DEFA4: variants seen among roughly 807,000 people sequenced by gnomAD.
The protein encoded by DEFA4 is corticostatin.
A neutral mutation model predicts 4.4 loss-of-function variants in DEFA4; 8 were observed. The observed-to-expected ratio is 1.82, with a 90% confidence interval of 1.07 to 3.29. The LOEUF (loss-of-function observed/expected upper bound fraction) is 3.29. Among genes scored for constraint, DEFA4 ranks in the 30% most tolerant of loss-of-function variants. The pLI, the probability that DEFA4 is intolerant of heterozygous loss-of-function variation, is 0.00. For synonymous variants in DEFA4, 77 were observed against 46.5 expected (o/e 1.66, Z -2.67); for missense variants, 216 against 127.0 (o/e 1.70, Z -3.37).
chr8:6,937,039 G>T, intron 1 of DEFA4, 128 bp from the exon 2 acceptor site: 2 of 763,010 alleles, frequency 2.6e-6, no homozygotes, highest in South Asian at 2.8e-5. Flanking sequence ...TGTGCATTTT[G>T]TTAGAGAGGA....
rs898125922 is a variant in DEFA4 at position 6,936,855 on chromosome 8, G to C, written c.45C>G (p.Leu15=). Residue 15 remains leucine, a synonymous_variant, in exon 2 of 3, where the codon CTC becomes CTG. Transcript: ENST00000297435. The part of the protein sequence containing the change: ...ALLAAILLVA[L]QVRAGPLQAR... ...CCTGGAGTGGGCCTGCCCGGACCTG[G>C]AGGGCTACCAAGAGAATAGCAGCGA... 2.5e-6 allele frequency: 4 copies of C among 1,612,676 alleles called. No individual in the cohort carries two copies. The highest frequency in any genetic ancestry group is 3.4e-6 in the Non-Finnish European group (4 of 1,179,408).
rs764863650 is a variant in DEFA4, at chr8:6,936,808, C to T, written c.92G>A (p.Gly31Asp). 6.2e-7 allele frequency: 1 copy of T among 1,613,760 alleles called. No individual in the cohort carries two copies. The highest frequency in any genetic ancestry group is 1.7e-5 in the Admixed American group (1 of 59,998). ...GTCTTCTGGCCCACGCTGCTCCTGG[C>T]CTGGAGCCTCATCACCTCTTGCCTG... ...PLQARGDEAP[G>D]QEQRGPEDQD... Residue 31 changes from glycine (G) to aspartate (D), a missense_variant, in exon 2 of 3, where the codon GGC becomes GAC. Physicochemically the swap from Gly to Asp is moderately conservative, Grantham distance 94 (BLOSUM62 -1). Transcript: ENST00000297435.
chr8:6,936,807 G>A lies in DEFA4; in HGVS notation c.93C>T (p.Gly31=). ...PLQARGDEAP[G]QEQRGPEDQD... ...GGTCTTCTGGCCCACGCTGCTCCTG[G>A]CCTGGAGCCTCATCACCTCTTGCCT... is the stretch of plus-strand genomic sequence containing the variant. Residue 31 remains glycine, a synonymous_variant, in exon 2 of 3, where the codon GGC becomes GGT. Transcript: ENST00000297435. 1 of 1,613,704 alleles carries A rather than the reference G, an allele frequency of 6.2e-7. No individual in the cohort carries two copies. The highest frequency in any genetic ancestry group is 8.5e-7 in the Non-Finnish European group (1 of 1,179,850).
intron 2 of DEFA4, 150 bp from the exon 3 acceptor site, chr8:6,936,291 T>C: frequency 1.0e-6 from 1 of 963,318 alleles, no homozygotes; most frequent in Non-Finnish European, 1.5e-6. Flanking sequence ...TAGGAATAAA[T>C]ACACAGAGCA....
chr8:6,936,030 C>A lies in DEFA4; in HGVS notation c.284G>T (p.Arg95Leu), dbSNP rs754867893. 1 of 1,613,754 alleles carries A rather than the reference C, an allele frequency of 6.2e-7. No homozygotes were observed. Among genetic ancestry groups the A allele is most frequent in the Non-Finnish European group, 8.5e-7 (1 of 1,179,910 alleles). Residue 95 changes from arginine (R) to leucine (L), a missense_variant, in exon 3 of 3, where the codon CGT becomes CTT. Coordinates refer to ENST00000297435, the MANE Select transcript of DEFA4 (RefSeq NM_001925.3). ...GGVSFTYCCT[R>L]VD ...TTGGACAGCAGAACGTTAATCGACACGCGTGCAGCAGTATGTGAAACTCAC... is the reference window on the plus strand; with the variant it reads ...TTGGACAGCAGAACGTTAATCGACAAGCGTGCAGCAGTATGTGAAACTCAC...
In DEFA4 at chr8:6,936,159, G is replaced by C. The variant is rs1203947974; in HGVS notation, c.173-18C>G. On this transcript the variant is annotated intron_variant, in intron 2 of 2. Transcript: ENST00000297435. ...TGTTGAGCCTGGGAACACAGAGGAA[G>C]CATGAGAAATTAAGCACCAAGGTCA... The C allele has an allele frequency of 3.1e-6, 5 of 1,612,852 alleles. No individual in the cohort carries two copies. In the Admixed American group the frequency reaches 6.7e-5, roughly 21 times the overall value.
In DEFA4 at chr8:6,936,848, G is replaced by T. The variant is rs770913371; in HGVS notation, c.52C>A (p.Arg18=). 50 of 1,612,534 alleles carry T rather than the reference G, an allele frequency of 3.1e-5. No individual in the cohort carries two copies. The East Asian group carries it at 1.1e-3, about 35-fold the overall frequency. Residue 18 remains arginine, a synonymous_variant, in exon 2 of 3, where the codon CGG becomes AGG. Transcript: ENST00000297435. The part of the protein sequence containing the change: ...AAILLVALQV[R]AGPLQARGDE... ...CCTCTTGCCTGGAGTGGGCCTGCCC[G>T]GACCTGGAGGGCTACCAAGAGAATA... is the stretch of plus-strand genomic sequence containing the variant.
chr8:6,936,082 G>A lies in DEFA4; in HGVS notation c.232C>T (p.Arg78Cys), dbSNP rs770482785. The A allele has an allele frequency of 7.4e-6, 12 of 1,613,918 alleles. No individual in the cohort carries two copies. The African/African-American group carries it at 9.3e-5, about 13-fold the overall frequency. Residue 78 changes from arginine (R) to cysteine (C), a missense_variant, in exon 3 of 3, where the codon CGT (arginine) becomes TGT (cysteine). By Grantham distance (180) the Arg-to-Cys change is radical. Coordinates refer to ENST00000297435, the MANE Select transcript of DEFA4 (RefSeq NM_001925.3). ...CCACCAATGAGGCAGTTCCCAACACGAAGTTCTGTTCGCCGGCAGAATACT... is the reference window on the plus strand; with the variant it reads ...CCACCAATGAGGCAGTTCCCAACACAAAGTTCTGTTCGCCGGCAGAATACT... ...RLVFCRRTEL[R>C]VGNCLIGGVS...
At chr8:6,937,008 G>A (rs996514635) in intron 1 of DEFA4, 97 bp from the exon 2 acceptor site, 11 of 1,134,672 alleles carry the variant, frequency 9.7e-6, no homozygotes, top group Non-Finnish European at 1.2e-5. Flanking sequence ...AGAAACCTTT[G>A]GCCTTCTGAG....
At chr8:6,937,043 G>C (rs1009549264) in intron 1 of DEFA4, 132 bp from the exon 2 acceptor site, 7 of 731,108 alleles carry the variant, frequency 9.6e-6, no homozygotes, top group Admixed American at 3.6e-5. Context: ...CATTTTGTTA[G>C]AGAGGATGCC....
At position 6,936,734 on chromosome 8, in the gene DEFA4, C is replaced by A; in HGVS notation, c.166G>T (p.Val56Phe). Residue 56 changes from valine (V) to phenylalanine (F), a missense_variant, in exon 2 of 3, where the codon GTT becomes TTT. Transcript: ENST00000297435. ...TTATGCTGGCCTCTCTCACCTGAAA[C>A]CTGAAGAGCAGAGCTTTTATCCCAT... ...FAWDKSSALQVSGSTRGMVCS... is the reference protein window; with the variant it reads ...FAWDKSSALQFSGSTRGMVCS... 1 of 1,597,232 alleles carries A rather than the reference C, an allele frequency of 6.3e-7. No individual in the cohort carries two copies.
Position 6,935,840 on chromosome 8 carries a change from A to G in DEFA4, c.*180T>C, listed in dbSNP as rs1436940461. 3 of 751,334 alleles carry G rather than the reference A, an allele frequency of 4.0e-6. No individual in the cohort carries two copies. The highest frequency in any genetic ancestry group is 1.8e-5 in the South Asian group (1 of 55,048). The allele number at this position is 751,334 out of a possible 1,614,324, so 46.5% of individuals were successfully genotyped here. ...AAAGACATCTTGTTACGAGATATAT[A>G]TTTAGGATCAAGAAAGATGTTAAGG... On this transcript the variant is annotated 3_prime_UTR_variant, in exon 3 of 3. Transcript: ENST00000297435.
chr8:6,936,635 C>G (rs1808863057), intron 2 of DEFA4, 93 bp downstream of exon 2: 2 of 1,340,326 alleles, frequency 1.5e-6, no homozygotes, highest in South Asian at 1.9e-5. Context: ...GTAAAGCCAC[C>G]TAAGTGACAT....
Position 6,936,927 on chromosome 8 carries a change from C to G in DEFA4, c.-12-16G>C. The stretch of plus-strand genomic sequence containing the variant: ...CTGGGGTGACCTGGAGGAGGGAGAG[C>G]AGGAGCAGCTGTGTGGGGAGGGAGA... On this transcript the variant is annotated splice_polypyrimidine_tract_variant and intron_variant, in intron 1 of 2. Coordinates refer to ENST00000297435, the MANE Select transcript of DEFA4 (RefSeq NM_001925.3). The G allele has an allele frequency of 3.2e-6, 5 of 1,546,490 alleles. No individual in the cohort carries two copies. The South Asian group carries it at 4.9e-5, about 15-fold the overall frequency.
At position 6,935,859 on chromosome 8, in the gene DEFA4, G is replaced by A. The variant is rs948523273; in HGVS notation, c.*161C>T. On this transcript the variant is annotated 3_prime_UTR_variant, in exon 3 of 3. Coordinates refer to ENST00000297435, the MANE Select transcript of DEFA4 (RefSeq NM_001925.3). ...ATATATATTTAGGATCAAGAAAGAT[G>A]TTAAGGACAAAGTATAGGAGAAACA... 3.3e-6 allele frequency: 3 copies of A among 910,688 alleles called. No homozygotes were observed. Among genetic ancestry groups the A allele is most frequent in the Non-Finnish European group, 5.2e-6 (3 of 582,484 alleles). 56.4% of individuals were successfully genotyped at this position (910,688 alleles called of 1,614,324 possible).
chr8:6,936,041 G>A lies in DEFA4; in HGVS notation c.273C>T (p.Tyr91=). The change falls in exon 3 of 3, where the codon TAC becomes TAT. Residue 91 remains tyrosine (Y), a synonymous_variant. Coordinates refer to ENST00000297435, the MANE Select transcript of DEFA4 (RefSeq NM_001925.3). ...NCLIGGVSFT[Y]CCTRVD ...AACGTTAATCGACACGCGTGCAGCA[G>A]TATGTGAAACTCACACCACCAATGA... 1 of 1,613,868 alleles carries A rather than the reference G, an allele frequency of 6.2e-7. No individual in the cohort carries two copies. The highest frequency in any genetic ancestry group is 1.1e-5 in the South Asian group (1 of 90,992).
intron 1 of DEFA4, among the ~76,000 whole-genome samples, chr8:6,937,934 G>C (rs981820914): frequency 4.6e-5 from 7 of 152,156 alleles, no homozygotes; most frequent in African/African-American, 1.7e-4. Context: ...AACAGACCTA[G>C]GACCTGCAGA....
Position 6,935,835 on chromosome 8 carries a change from T to G in DEFA4, c.*185A>C. ...TAAACAAAGACATCTTGTTACGAGATATATATTTAGGATCAAGAAAGATGT... is the reference window on the plus strand; with the variant it reads ...TAAACAAAGACATCTTGTTACGAGAGATATATTTAGGATCAAGAAAGATGT... On this transcript the variant is annotated 3_prime_UTR_variant, in exon 3 of 3. Coordinates refer to ENST00000297435, the MANE Select transcript of DEFA4 (RefSeq NM_001925.3). 2.8e-6 allele frequency: 2 copies of G among 715,770 alleles called. No homozygotes were observed. The highest frequency in any genetic ancestry group is 4.6e-6 in the Non-Finnish European group (2 of 430,942). The allele number at this position is 715,770 out of a possible 1,614,324, so 44.3% of individuals were successfully genotyped here.
At chr8:6,936,502 T>C (rs982451487) in intron 2 of DEFA4, among the ~76,000 whole-genome samples, 8 of 152,164 alleles carry the variant, frequency 5.3e-5, no homozygotes, top group African/African-American at 1.7e-4. Flanking sequence ...TCTCCGTATC[T>C]TAACCCTAGC....
Sources: gnomAD v4.1 joint callset for allele counts (sites outside exome capture counted in the v4.1 genomes callset) on GRCh38, gnomAD v4.1.1 for gene constraint, MANE v1.5 for transcripts, NCBI Gene and HGNC (gene_info 2026-07-23, HGNC 2026-07-21) for gene names.